Variants in CNTNAP2 observed in about 807,000 individuals in gnomAD.
CNTNAP2 encodes contactin-associated protein-like 2.
Under a neutral mutation model 155.2 loss-of-function variants are expected in CNTNAP2, and 98 were observed. That is an observed-to-expected ratio of 0.63 (90% CI 0.54 to 0.75). CNTNAP2 has a LOEUF of 0.75. Among genes scored for constraint, CNTNAP2 ranks in the 30% least tolerant of loss-of-function variants. The pLI is 0.00. For missense variants in CNTNAP2, 1,727 were observed against 1,688.1 expected, an observed-to-expected ratio of 1.02 and a Z score of -0.40; for synonymous variants, 651 against 631.2, an observed-to-expected ratio of 1.03 and a Z score of -0.47.
chr7:147,506,553 C>T (rs1367217440), intron 11 of CNTNAP2, among the ~76,000 whole-genome samples: 1 of 152,190 alleles, frequency 6.6e-6, no homozygotes, highest in Admixed American at 6.5e-5. Flanking sequence ...CCACGCCTGG[C>T]CCAAGTTTCT....
intron 10 of CNTNAP2, among the ~76,000 whole-genome samples, chr7:147,402,952 G>GAA (rs201092537): frequency 2.0e-4 from 19 of 94,832 alleles, no homozygotes; most frequent in Non-Finnish European, 3.0e-4. Flanking sequence ...AAATAATCCT[G>GAA]AAAAAAAAAA....
chr7:148,331,730 G>A (rs28403110), intron 21 of CNTNAP2, among the ~76,000 whole-genome samples: 16 of 137,576 alleles, frequency 1.2e-4, no homozygotes, highest in African/African-American at 1.5e-4. Context: ...TGGATTGGAT[G>A]GATGGAGTGG....
At chr7:146,377,964 A>G (rs949269353) in intron 1 of CNTNAP2, among the ~76,000 whole-genome samples, 2 of 152,182 alleles carry the variant, frequency 1.3e-5, no homozygotes, top group Non-Finnish European at 2.9e-5. Flanking sequence ...CACAATTCTT[A>G]TGTTACTATG....
chr7:146,352,748 C>CTT (rs1201897985), intron 1 of CNTNAP2, among the ~76,000 whole-genome samples: 10 of 66,188 alleles, frequency 1.5e-4, no homozygotes, highest in African/African-American at 8.5e-4. Flanking sequence ...TAGCATAATT[C>CTT]TGTTTTTTTT....
intron 12 of CNTNAP2, among the ~76,000 whole-genome samples, chr7:147,579,196 A>G (rs1227184909): frequency 6.6e-6 from 1 of 152,128 alleles, no homozygotes; most frequent in Non-Finnish European, 1.5e-5. Flanking sequence ...TTTATCAGAT[A>G]GCAGAGAGAG....
intron 13 of CNTNAP2, among the ~76,000 whole-genome samples, chr7:147,880,787 G>A (rs1799505933): frequency 6.6e-6 from 1 of 151,284 alleles, no homozygotes; most frequent in African/African-American, 2.4e-5. Context: ...AAGATCTATT[G>A]GATATAATGA....
intron 15 of CNTNAP2, among the ~76,000 whole-genome samples, chr7:148,070,998 C>T (rs1453108108): frequency 6.6e-6 from 1 of 151,874 alleles, no homozygotes; most frequent in African/African-American, 2.4e-5. Context: ...CAAAATTTTC[C>T]CCACATAAAT....
At chr7:146,577,423 G>A (rs896528169) in intron 1 of CNTNAP2, among the ~76,000 whole-genome samples, 3 of 151,944 alleles carry the variant, frequency 2.0e-5, no homozygotes. Flanking sequence ...AAAATTTAAA[G>A]CACTTCTACT....
chr7:147,447,637 C>T (rs980342725), intron 10 of CNTNAP2, among the ~76,000 whole-genome samples: 14 of 152,112 alleles, frequency 9.2e-5, no homozygotes, highest in Admixed American at 2.0e-4. Context: ...CCAGGCTGGC[C>T]TCAAACTCTG....
At chr7:147,946,218 C>T (rs896259999) in intron 14 of CNTNAP2, among the ~76,000 whole-genome samples, 14 of 152,188 alleles carry the variant, frequency 9.2e-5, no homozygotes, top group Non-Finnish European at 5.9e-5. Context: ...ACACATCTAG[C>T]TCCTAGCATG....
At chr7:146,151,684 A>ACG (rs1562969072) in intron 1 of CNTNAP2, among the ~76,000 whole-genome samples, 5 of 51,982 alleles carry the variant, frequency 9.6e-5, no homozygotes, top group African/African-American at 6.2e-4. Flanking sequence ...ATATATATGT[A>ACG]TATATATATA....
intron 15 of CNTNAP2, among the ~76,000 whole-genome samples, chr7:148,070,443 C>A (rs1262910943): frequency 6.6e-6 from 1 of 152,242 alleles, no homozygotes; most frequent in Non-Finnish European, 1.5e-5. Context: ...TTGGGCTGGG[C>A]ACCGTGGCTC....
chr7:148,154,214 C>T lies in CNTNAP2; in HGVS notation c.2773+6505C>T, dbSNP rs73744760. On this transcript the variant is annotated intron_variant, in intron 17 of 23. Transcript: ENST00000361727. ...CCTGACTGAGACTCAGTGGAAGGCACGCTGTCTTCAGGAGGACTCAGAGAC... is the reference window on the plus strand; with the variant it reads ...CCTGACTGAGACTCAGTGGAAGGCATGCTGTCTTCAGGAGGACTCAGAGAC... Among the ~76,000 whole-genome samples, 1,436 of 152,302 alleles carry T rather than the reference C, an allele frequency of 9.4e-3. 24 individuals are homozygous for T. The highest frequency in any genetic ancestry group is 0.032 in the African/African-American group (1,321 of 41,560).
At chr7:146,144,919 A>G (rs1161123665) in intron 1 of CNTNAP2, among the ~76,000 whole-genome samples, 2 of 152,184 alleles carry the variant, frequency 1.3e-5, no homozygotes, top group Non-Finnish European at 2.9e-5. Context: ...GGTATAATGG[A>G]AGGAAATGTC....
intron 1 of CNTNAP2, among the ~76,000 whole-genome samples, chr7:146,389,674 T>G (rs1014696781): frequency 6.6e-6 from 1 of 151,100 alleles, no homozygotes; most frequent in African/African-American, 2.4e-5. Flanking sequence ...TGAGCCATAT[T>G]TCTTTTTTTC....
chr7:147,121,472 T>G (rs1449579736), intron 6 of CNTNAP2: 2 of 302,836 alleles, frequency 6.6e-6, no homozygotes, highest in African/African-American at 4.4e-5. Flanking sequence ...TGGTAGTTAA[T>G]CATGTTATCA....
At chr7:147,986,617 A>G (rs1189287574) in intron 15 of CNTNAP2, among the ~76,000 whole-genome samples, 1 of 152,162 alleles carries the variant, frequency 6.6e-6, no homozygotes, top group Admixed American at 6.5e-5. Flanking sequence ...GCACATCGAG[A>G]AACAGTTTAA....
At chr7:146,968,098 A>G (rs1797696814) in intron 3 of CNTNAP2, among the ~76,000 whole-genome samples, 2 of 151,164 alleles carry the variant, frequency 1.3e-5, no homozygotes, top group South Asian at 2.1e-4. Context: ...TTCTGTTTAT[A>G]TGCTGGATTA....
In CNTNAP2 at chr7:146,245,890, A is replaced by G. The variant is rs532500596; in HGVS notation, c.97+128917A>G. 9.5e-3 allele frequency among the ~76,000 whole-genome samples: 1,259 copies of G among 131,846 alleles called. 31 individuals are homozygous for G. Among genetic ancestry groups the G allele is most frequent in the African/African-American group, 0.048 (1,129 of 23,756 alleles). The allele number at this position is 131,846 out of a possible 152,430, so 86.5% of individuals were successfully genotyped here. ...TTTGAGATCCAGAACAGAATAATGG[A>G]TTGTGGAGGGAGGTATTGAGGATAG... On this transcript the variant is annotated intron_variant, in intron 1 of 23. Transcript: ENST00000361727.
Sources: allele counts gnomAD v4.1 joint callset (sites outside exome capture counted in the v4.1 genomes callset), GRCh38; gene constraint gnomAD v4.1.1; transcripts MANE v1.5; gene names NCBI Gene and HGNC (gene_info 2026-07-23, HGNC 2026-07-21).